HAUS6: variants seen among roughly 807,000 people sequenced by gnomAD.
HAUS6 encodes the protein HAUS augmin like complex subunit 6.
In HAUS6, 80 loss-of-function variants were observed where a neutral mutation model predicts 106.8. That is an observed-to-expected ratio of 0.75 (90% CI 0.63 to 0.90). The LOEUF (loss-of-function observed/expected upper bound fraction) is 0.90. HAUS6 is among the 40% of genes least tolerant of loss of function. HAUS6 has a pLI of 0.00. For missense variants in HAUS6, 1,155 were observed against 1,118.1 expected, an observed-to-expected ratio of 1.03 and a Z score of -0.47; for synonymous variants, 356 against 379.1, an observed-to-expected ratio of 0.94 and a Z score of 0.71.
chr9:19,079,842 T>C (rs796797214), intron 9 of HAUS6, among the ~76,000 whole-genome samples: 15 of 149,610 alleles, frequency 1.0e-4, no homozygotes, highest in African/African-American at 3.2e-4. Context: ...GATCACACCA[T>C]TGCACTCTAG....
intron 1 of HAUS6, among the ~76,000 whole-genome samples, chr9:19,098,448 A>AT (rs1817909190): frequency 6.6e-6 from 1 of 151,750 alleles, no homozygotes; most frequent in South Asian, 2.1e-4. Context: ...AAAAAAAAAA[A>AT]AAAAAAATTA....
At chr9:19,074,605 T>G (rs1324818576) in intron 11 of HAUS6, among the ~76,000 whole-genome samples, 1 of 152,078 alleles carries the variant, frequency 6.6e-6, no homozygotes, top group East Asian at 1.9e-4. Context: ...CTCTTCTGGT[T>G]GCACCTAAAC....
intron 11 of HAUS6, 123 bp downstream of exon 11, chr9:19,076,479 T>A: frequency 1.5e-6 from 1 of 667,840 alleles, no homozygotes; most frequent in Non-Finnish European, 2.7e-6. Context: ...TTATGTTACA[T>A]GCATTTCACC....
At chr9:19,060,720 A>AT (rs772941679) in intron 14 of HAUS6, among the ~76,000 whole-genome samples, 3 of 152,270 alleles carry the variant, frequency 2.0e-5, no homozygotes, top group African/African-American at 7.2e-5. Context: ...TGAAAAAAGC[A>AT]TACGTACATT....
chr9:19,060,199 A>C lies in HAUS6; in HGVS notation c.1654T>G (p.Ser552Ala). ...EEVARAVLSD[S>A]PQLSEGKEIK... Reference sequence around the variant, plus strand: ...TCTTTTCCTTCAGAGAGCTGTGGTGAATCAGATAAAACTGCTCTGGCAACC... The same window carrying C: ...TCTTTTCCTTCAGAGAGCTGTGGTGCATCAGATAAAACTGCTCTGGCAACC... The change falls in exon 15 of 17, where the codon TCA becomes GCA. Residue 552 changes from serine (S) to alanine (A), a missense_variant. Around this residue, in one of 3 missense-constraint regions of HAUS6, gnomAD observed 761 missense variants for 690.0 expected, o/e 1.10. Transcript: ENST00000380502. 1 of 1,570,386 alleles carries C rather than the reference A, an allele frequency of 6.4e-7. No homozygotes were observed. Among genetic ancestry groups the C allele is most frequent in the South Asian group, 1.2e-5 (1 of 83,916 alleles).
In HAUS6 at chr9:19,102,664, C is replaced by T. The variant is rs1330804678; in HGVS notation, c.-13G>A. On this transcript the variant is annotated 5_prime_UTR_variant, in exon 1 of 17. Transcript: ENST00000380502. ...AGGCCGAGCTCATCCTCGCGGTAGG[C>T]ACGGTGGCTGCAAAGAAAGAAAGCG... 4 of 1,608,098 alleles carry T rather than the reference C, an allele frequency of 2.5e-6. No individual in the cohort carries two copies. The highest frequency in any genetic ancestry group is 3.4e-5 in the Admixed American group (2 of 59,378).
chr9:19,071,412 T>G (rs546250018), intron 11 of HAUS6, among the ~76,000 whole-genome samples: 1 of 151,996 alleles, frequency 6.6e-6, no homozygotes, highest in Non-Finnish European at 1.5e-5. Context: ...GAATAAGAGA[T>G]AAAGTAATAT....
chr9:19,082,604 G>A (rs959536079), intron 8 of HAUS6, among the ~76,000 whole-genome samples: 5 of 152,108 alleles, frequency 3.3e-5, no homozygotes, highest in Non-Finnish European at 5.9e-5. Context: ...AAATTAGCTG[G>A]GTGTGGTGGC....
intron 12 of HAUS6, among the ~76,000 whole-genome samples, chr9:19,069,385 G>T (rs551286363): frequency 1.1e-4 from 17 of 152,212 alleles, no homozygotes; most frequent in Middle Eastern, 6.8e-3. Context: ...GAAAAATATT[G>T]TCCAGTTAAA....
At chr9:19,094,191 C>G in intron 3 of HAUS6, 126 bp downstream of exon 3, 1 of 547,050 alleles carries the variant, frequency 1.8e-6, no homozygotes. Context: ...ACTATTTTAA[C>G]TAATATTTCC....
At chr9:19,085,075 G>A (rs1837258197) in intron 7 of HAUS6, among the ~76,000 whole-genome samples, 1 of 152,136 alleles carries the variant, frequency 6.6e-6, no homozygotes, top group African/African-American at 2.4e-5. Flanking sequence ...CTATAGGTGT[G>A]TGCCACCCTA....
intron 1 of HAUS6, among the ~76,000 whole-genome samples, chr9:19,099,999 C>A (rs1817953342): frequency 6.6e-6 from 1 of 152,162 alleles, no homozygotes; most frequent in Admixed American, 6.5e-5. Context: ...TAAGATTCCG[C>A]CTGGCTAAGA....
Position 19,089,415 on chromosome 9 carries a change from G to T in HAUS6, c.581C>A (p.Ala194Glu). Residue 194 changes from alanine to glutamate, a missense_variant, in exon 5 of 17, where the codon GCA becomes GAA. This residue lies in a region of HAUS6 where 761 missense variants were observed against 690.0 expected (regional missense o/e 1.10). Coordinates refer to ENST00000380502, the MANE Select transcript of HAUS6 (RefSeq NM_017645.5). Reference sequence around the variant, plus strand: ...TAACTATCAAGGTACTACTTACTGTGCATTTTCCTGATATTTTTGGGTAAC... The same window carrying T: ...TAACTATCAAGGTACTACTTACTGTTCATTTTCCTGATATTTTTGGGTAAC... ...DCVTQKYQEN[A>E]QLSVKQVRNL... The T allele has an allele frequency of 1.3e-6, 2 of 1,597,048 alleles. No individual in the cohort carries two copies. Among genetic ancestry groups the T allele is most frequent in the Non-Finnish European group, 1.7e-6 (2 of 1,164,618 alleles).
At chr9:19,060,973 C>A (rs568037433) in intron 14 of HAUS6, among the ~76,000 whole-genome samples, 14 of 152,070 alleles carry the variant, frequency 9.2e-5, no homozygotes, top group African/African-American at 3.4e-4. Flanking sequence ...ACCAGCCTGA[C>A]CAACAACATG....
intron 2 of HAUS6, 46 bp from the exon 3 acceptor site, chr9:19,094,441 CAAAA>C (rs112198354): frequency 2.0e-5 from 17 of 845,682 alleles, no homozygotes; most frequent in Non-Finnish European, 3.0e-5. Flanking sequence ...CAACAATAGC[CAAAA>C]AAAAAAGCCT....
At chr9:19,066,109 T>C (rs1836755466) in intron 12 of HAUS6, among the ~76,000 whole-genome samples, 1 of 151,838 alleles carries the variant, frequency 6.6e-6, no homozygotes, top group South Asian at 2.1e-4. Context: ...CTAATTTTTG[T>C]AGTTTTAATA....
At chr9:19,076,565 G>A (rs774129681) in intron 11 of HAUS6, 37 bp downstream of exon 11, 4 of 850,132 alleles carry the variant, frequency 4.7e-6, no homozygotes, top group Admixed American at 2.0e-5. Context: ...TGACAGGAAG[G>A]AGGTTTCAAA....
intron 1 of HAUS6, 106 bp downstream of exon 1, chr9:19,102,418 T>C (rs1818009268): frequency 4.0e-6 from 5 of 1,257,408 alleles, no homozygotes; most frequent in African/African-American, 1.5e-5. Context: ...ACAGAGTAAC[T>C]GCTCAACCAA....
In HAUS6 at chr9:19,093,388, G is replaced by A. The variant is rs562860463; in HGVS notation, c.304-85C>T. 394 of 1,228,130 alleles carry A rather than the reference G, an allele frequency of 3.2e-4. 1 individual carries two copies. The highest frequency in any genetic ancestry group is 7.6e-4 in the Middle Eastern group (4 of 5,270). 76.1% of individuals were successfully genotyped at this position (1,228,130 alleles called of 1,614,324 possible). A position where few individuals can be genotyped will look rare whatever the true frequency, so the allele number is the denominator to read the frequency against. On this transcript the variant is annotated intron_variant, in intron 3 of 16. Transcript: ENST00000380502. The stretch of plus-strand genomic sequence containing the variant: ...CATCACACTATTTTTGTTAAAGGGT[G>A]TGACAGTCTTGCAATAGAAGTCCCA...
Sources: gnomAD v4.1 joint callset for allele counts (sites outside exome capture counted in the v4.1 genomes callset) on GRCh38, gnomAD v4.1.1 for gene constraint, gnomAD v4.1.1 regional missense constraint, MANE v1.5 for transcripts, NCBI Gene and HGNC (gene_info 2026-07-23, HGNC 2026-07-21) for gene names.